Variants in RPA2 observed in about 807,000 individuals in gnomAD.
RPA2 encodes the protein replication protein A 32 kDa subunit.
Under a neutral mutation model 33.4 loss-of-function variants are expected in RPA2, and 22 were observed. The ratio of observed to expected loss-of-function variants is 0.66; its 90% CI spans 0.47 to 0.94. The LOEUF is 0.94. Among genes scored for constraint, RPA2 ranks in the 40% least tolerant of loss-of-function variants. The probability of loss-of-function intolerance (pLI) is 0.00; values close to 1 mark genes in which losing one functional copy is unlikely to be tolerated. For synonymous variants in RPA2, 109 were observed against 114.9 expected (o/e 0.95, Z 0.33); for missense variants, 279 against 329.9 (o/e 0.85, Z 1.19).
At chr1:27,909,376 A>G (rs1400106328) in intron 2 of RPA2, among the ~76,000 whole-genome samples, 1 of 152,188 alleles carries the variant, frequency 6.6e-6, no homozygotes, top group African/African-American at 2.4e-5. Context: ...ATATGCCACA[A>G]AAGGCAGCAG....
At chr1:27,894,685 CCA>C (rs1194413263) in intron 6 of RPA2, among the ~76,000 whole-genome samples, 4 of 152,242 alleles carry the variant, frequency 2.6e-5, no homozygotes, top group Admixed American at 1.3e-4. Flanking sequence ...AGAAAATTAC[CCA>C]GAGTCTGCTA....
intron 1 of RPA2, 111 bp from the exon 2 acceptor site, chr1:27,914,280 C>T: frequency 6.3e-7 from 1 of 1,599,542 alleles, no homozygotes; most frequent in Non-Finnish European, 8.5e-7. Flanking sequence ...CCCTAACCTT[C>T]CTCGCCGCCT....
chr1:27,897,277 G>A (rs541621473), intron 5 of RPA2, among the ~76,000 whole-genome samples, 156 bp from the exon 6 acceptor site: 28 of 151,808 alleles, frequency 1.8e-4, no homozygotes, highest in African/African-American at 6.0e-4. Context: ...GGTCAAACAT[G>A]AGGAGAAAAA....
At chr1:27,899,528 AAAAC>A (rs2089939070) in intron 4 of RPA2, among the ~76,000 whole-genome samples, 2 of 151,060 alleles carry the variant, frequency 1.3e-5, no homozygotes, top group African/African-American at 4.9e-5. Flanking sequence ...AAAAAAAAAA[AAAAC>A]CACACAAACA....
At chr1:27,914,245 G>GC in intron 1 of RPA2, 76 bp from the exon 2 acceptor site, 1 of 1,599,290 alleles carries the variant, frequency 6.3e-7, no homozygotes, top group Non-Finnish European at 8.5e-7. Context: ...CGGAGGCTTC[G>GC]CCCCTTCAAA....
chr1:27,898,427 G>C (rs995385357), intron 4 of RPA2, among the ~76,000 whole-genome samples: 1 of 151,956 alleles, frequency 6.6e-6, no homozygotes, highest in African/African-American at 2.4e-5. Context: ...TTTCCCATTT[G>C]GGACAATACA....
At chr1:27,899,394 A>C (rs1289616690) in intron 4 of RPA2, among the ~76,000 whole-genome samples, 1 of 150,972 alleles carries the variant, frequency 6.6e-6, no homozygotes, top group East Asian at 2.0e-4. Flanking sequence ...AGTCCCAGCT[A>C]CTCGGGAGGC....
intron 2 of RPA2, among the ~76,000 whole-genome samples, chr1:27,913,587 CAAAAA>C (rs111823126): frequency 1.2e-5 from 1 of 80,154 alleles, no homozygotes. Flanking sequence ...GGTTCCATCT[CAAAAA>C]AAAAAAAAAA....
At chr1:27,912,101 AAAAG>A (rs980349372) in intron 2 of RPA2, among the ~76,000 whole-genome samples, 2 of 152,142 alleles carry the variant, frequency 1.3e-5, no homozygotes, top group African/African-American at 2.4e-5. Flanking sequence ...CTCAAAAAAA[AAAAG>A]AAAGAAAGTT....
At position 27,894,276 on chromosome 1, in the gene RPA2, CT is replaced by C. The variant is rs766714161; in HGVS notation, c.633+13del. The C allele has an allele frequency of 4.5e-5, 72 of 1,610,390 alleles. No homozygotes were observed. The East Asian group carries it at 1.1e-3, about 24-fold the overall frequency. The stretch of plus-strand genomic sequence containing the variant: ...TGTGTTTTGTATTTCTGAAGCCACT[CT>C]GGTGGAGGTTACCTGGTTTTGGGCC... On this transcript the variant is annotated intron_variant, in intron 7 of 8. Coordinates refer to ENST00000373912, the MANE Select transcript of RPA2 (RefSeq NM_002946.5).
intron 2 of RPA2, 54 bp from the exon 3 acceptor site, chr1:27,907,336 T>C: frequency 7.4e-7 from 1 of 1,342,620 alleles, no homozygotes; most frequent in Non-Finnish European, 1.1e-6. Flanking sequence ...CTACCACTCA[T>C]TCAACACCTG....
At chr1:27,899,087 C>T (rs563207778) in intron 4 of RPA2, among the ~76,000 whole-genome samples, 8 of 152,138 alleles carry the variant, frequency 5.3e-5, no homozygotes, top group Non-Finnish European at 7.4e-5. Flanking sequence ...AAAATAAAAA[C>T]TCTGGCCAGG....
Position 27,914,482 on chromosome 1 carries a change from G to C in RPA2, c.-39C>G. The C allele has an allele frequency of 1.3e-6, 2 of 1,589,820 alleles. No homozygotes were observed. Among genetic ancestry groups the C allele is most frequent in the Non-Finnish European group, 1.7e-6 (2 of 1,167,548 alleles). On this transcript the variant is annotated 5_prime_UTR_variant, in exon 1 of 9. Coordinates refer to ENST00000373912, the MANE Select transcript of RPA2 (RefSeq NM_002946.5). Reference sequence around the variant, plus strand: ...CTCCGCAAAGAGGCCGAGAAGGTGCGGGTCTGGGGGAATAGCGGAAAACCA... The same window carrying C: ...CTCCGCAAAGAGGCCGAGAAGGTGCCGGTCTGGGGGAATAGCGGAAAACCA...
At chr1:27,895,834 C>A (rs2089884663) in intron 6 of RPA2, among the ~76,000 whole-genome samples, 1 of 152,170 alleles carries the variant, frequency 6.6e-6, no homozygotes, top group Non-Finnish European at 1.5e-5. Context: ...ATAATCTGGG[C>A]CCTGCCTCCT....
In RPA2 at chr1:27,897,063, G is replaced by C; in HGVS notation, c.467C>G (p.Thr156Ser). 1 of 1,613,950 alleles carries C rather than the reference G, an allele frequency of 6.2e-7. No homozygotes were observed. Reference sequence around the variant, plus strand: ...ATTGATCACTTCCAGAATATGTGTGGTGAACTCATTCATATCCTCCAGGGG... The same window carrying C: ...ATTGATCACTTCCAGAATATGTGTGCTGAACTCATTCATATCCTCCAGGGG... Reference protein sequence around the residue: ...IMPLEDMNEFTTHILEVINAH... With the variant: ...IMPLEDMNEFSTHILEVINAH... The change falls in exon 6 of 9, where the codon ACC (threonine) becomes AGC (serine). Residue 156 changes from threonine to serine, a missense_variant. Physicochemically the swap from Thr to Ser is moderately conservative, Grantham distance 58. Transcript: ENST00000373912.
chr1:27,893,942 A>G, intron 8 of RPA2, 70 bp downstream of exon 8: 1 of 1,347,136 alleles, frequency 7.4e-7, no homozygotes, highest in South Asian at 1.2e-5. Context: ...ACTTCTCACT[A>G]TCAGGAAACC....
At chr1:27,914,652 T>C (rs1302516571), upstream of RPA2, 2 of 1,613,788 alleles carry the variant, frequency 1.2e-6, no homozygotes, top group Admixed American at 1.7e-5. Flanking sequence ...TCCTGTCTCC[T>C]CTGCCCATGC....
Position 27,909,998 on chromosome 1 carries a change from AATATTT to A in RPA2, c.118-2722_118-2717del, listed in dbSNP as rs569914512. 3.2e-4 allele frequency among the ~76,000 whole-genome samples: 48 copies of A among 152,296 alleles called. No individual in the cohort carries two copies. In the East Asian group the frequency reaches 6.7e-3, roughly 21 times the overall value. On this transcript the variant is annotated intron_variant, in intron 2 of 8. Coordinates refer to ENST00000373912, the MANE Select transcript of RPA2 (RefSeq NM_002946.5). ...TATAGGTAAAGTTACATGCTATGTTAATATTTATAGTCTTAAAATTTGCAGGGGTCC... is the reference window on the plus strand; with the variant it reads ...TATAGGTAAAGTTACATGCTATGTTAATAGTCTTAAAATTTGCAGGGGTCC...
intron 1 of RPA2, 37 bp from the exon 2 acceptor site, chr1:27,914,206 C>A: frequency 6.2e-7 from 1 of 1,612,330 alleles, no homozygotes; most frequent in Non-Finnish European, 8.5e-7. Context: ...TGTGCCACGT[C>A]CCACGCCTCC....
Sources: allele counts gnomAD v4.1 joint callset (sites outside exome capture counted in the v4.1 genomes callset), GRCh38; gene constraint gnomAD v4.1.1; transcripts MANE v1.5; gene names NCBI Gene and HGNC (gene_info 2026-07-23, HGNC 2026-07-21).